The following GABBR2 variants were observed in gnomAD, a reference collection of about 807,000 sequenced individuals.
The protein encoded by GABBR2 is G-protein coupled receptor 51.
In GABBR2, 23 loss-of-function variants were observed where a neutral mutation model predicts 105.6. The observed-to-expected ratio is 0.22, with a 90% CI of 0.16 to 0.31. The LOEUF (loss-of-function observed/expected upper bound fraction) is 0.31. GABBR2 is among the 10% of genes least tolerant of loss of function. The pLI, the probability that GABBR2 is intolerant of heterozygous loss-of-function variation, is 1.00. For missense variants in GABBR2, 734 were observed against 1,245.5 expected (o/e 0.59, Z 6.18); for synonymous variants, 478 against 499.7 (o/e 0.96, Z 0.58).
rs7855442 is a variant in GABBR2, at chr9:98,562,324, C to T, written c.459+15611G>A. ...CCTGAAAGCCAAAAATATATGGCAACAAAGACAATGCATGTTCCTTGCTTG... is the reference window on the plus strand; with the variant it reads ...CCTGAAAGCCAAAAATATATGGCAATAAAGACAATGCATGTTCCTTGCTTG... On this transcript the variant is annotated intron_variant, in intron 2 of 18. Transcript: ENST00000259455. Among the ~76,000 whole-genome samples the T allele has an allele frequency of 1.1e-3, 161 of 152,196 alleles. 1 individual carries two copies. The highest frequency in any genetic ancestry group is 3.7e-3 in the African/African-American group (155 of 41,512).
chr9:98,702,762 C>T (rs1830847577), intron 1 of GABBR2, among the ~76,000 whole-genome samples: 1 of 152,210 alleles, frequency 6.6e-6, no homozygotes. Flanking sequence ...TCCAGGAGGT[C>T]TCTCTGGTCC....
rs1830931466 is a variant in GABBR2 at position 98,708,455 on chromosome 9, G to T, written c.283C>A (p.Arg95Ser). 2 of 1,568,772 alleles carry T rather than the reference G, an allele frequency of 1.3e-6. No homozygotes were observed. Reference protein sequence around the residue: ...IEQIRNESLLRPYFLDLRLYD... With the variant: ...IEQIRNESLLSPYFLDLRLYD... ...AGCCGCAGGTCGAGGAAGTAGGGGC[G>T]CAGGAGTGACTCGTTGCGGATCTGC... The change falls in exon 1 of 19, where the codon CGC (arginine) becomes AGC (serine). Residue 95 changes from arginine to serine, a missense_variant. By Grantham distance (110) the Arg-to-Ser change is moderately radical. This residue lies in a region of GABBR2 where 370 missense variants were observed against 648.9 expected (regional missense o/e 0.57). Coordinates refer to ENST00000259455, the MANE Select transcript of GABBR2 (RefSeq NM_005458.8).
chr9:98,362,756 C>T lies in GABBR2; in HGVS notation c.1852G>A (p.Val618Met). The T allele has an allele frequency of 1.2e-6, 2 of 1,604,898 alleles. No individual in the cohort carries two copies. Among genetic ancestry groups the T allele is most frequent in the Non-Finnish European group, 1.7e-6 (2 of 1,176,210 alleles). ...DLCILICWQA[V>M]DPLRRTVEKY... ...TCCACTGTCCTTCGCAGGGGGTCCA[C>T]AGCCTGCCAGCAGATCAGGATACAC... is the stretch of plus-strand genomic sequence containing the variant. Residue 618 changes from valine (V) to methionine (M), a missense_variant, in exon 13 of 19, where the codon GTG (valine) becomes ATG (methionine). Val to Met is a conservative substitution (Grantham distance 21). Coordinates refer to ENST00000259455, the MANE Select transcript of GABBR2 (RefSeq NM_005458.8).
chr9:98,440,777 A>C (rs1826018053), intron 7 of GABBR2, among the ~76,000 whole-genome samples: 1 of 152,220 alleles, frequency 6.6e-6, no homozygotes, highest in South Asian at 2.1e-4. Flanking sequence ...TAACCTCTGC[A>C]TGAGCACACA....
chr9:98,514,153 A>T (rs1466385172), intron 3 of GABBR2, among the ~76,000 whole-genome samples: 34 of 128,378 alleles, frequency 2.6e-4, no homozygotes, highest in South Asian at 7.4e-4. Context: ...CTATCGCAAG[A>T]ACAAAAAACC....
chr9:98,535,337 G>A (rs1248079686), intron 3 of GABBR2, among the ~76,000 whole-genome samples: 1 of 151,968 alleles, frequency 6.6e-6, no homozygotes, highest in Non-Finnish European at 1.5e-5. Context: ...CTGACCTCAG[G>A]TGATCTGCCC....
At chr9:98,572,654 A>C (rs1265331256) in intron 2 of GABBR2, among the ~76,000 whole-genome samples, 2 of 152,106 alleles carry the variant, frequency 1.3e-5, no homozygotes, top group Non-Finnish European at 2.9e-5. Flanking sequence ...CTTATAATAA[A>C]TGGGTCTAGG....
rs1346163397 is a variant in GABBR2 at position 98,385,783 on chromosome 9, A to G, written c.1530-11T>C. 6.2e-7 allele frequency: 1 copy of G among 1,604,754 alleles called. No homozygotes were observed. The highest frequency in any genetic ancestry group is 8.5e-7 in the Non-Finnish European group (1 of 1,171,978). ...GACATCTTTATGAGCCTGACAAGAGAAAGAGACAATAGATTTAACAGAATG... is the reference window on the plus strand; with the variant it reads ...GACATCTTTATGAGCCTGACAAGAGGAAGAGACAATAGATTTAACAGAATG... On this transcript the variant is annotated splice_polypyrimidine_tract_variant and intron_variant, in intron 10 of 18. Transcript: ENST00000259455.
chr9:98,698,267 G>A (rs1332407793), intron 1 of GABBR2, among the ~76,000 whole-genome samples: 1 of 152,142 alleles, frequency 6.6e-6, no homozygotes, highest in Non-Finnish European at 1.5e-5. Context: ...CATTGATGAA[G>A]ACAGATGAGT....
intron 7 of GABBR2, among the ~76,000 whole-genome samples, chr9:98,436,491 T>A (rs565004537): frequency 1.4e-4 from 20 of 145,956 alleles, no homozygotes; most frequent in Admixed American, 1.2e-3. Flanking sequence ...CCTTGCTTCA[T>A]CTTCAGAGCA....
chr9:98,392,014 C>G (rs1832190384), intron 9 of GABBR2, among the ~76,000 whole-genome samples: 1 of 151,966 alleles, frequency 6.6e-6, no homozygotes, highest in South Asian at 2.1e-4. Context: ...GATAGAAGGC[C>G]TGGGCTCTGC....
intron 1 of GABBR2, among the ~76,000 whole-genome samples, chr9:98,684,620 T>C (rs1830597667): frequency 6.6e-6 from 1 of 152,206 alleles, no homozygotes; most frequent in South Asian, 2.1e-4. Flanking sequence ...TATCTATCAA[T>C]TCCTTGGTAT....
intron 9 of GABBR2, among the ~76,000 whole-genome samples, chr9:98,393,342 A>ACCATCCACCCATCCATCCATCCAT (rs1832227720): frequency 9.6e-6 from 1 of 104,654 alleles, no homozygotes; most frequent in African/African-American, 4.7e-5. Flanking sequence ...CATCCACCCA[A>ACCATCCACCCATCCATCCATCCAT]CCATCCATCC....
At chr9:98,496,203 C>T (rs777461460) in intron 4 of GABBR2, 4 of 585,386 alleles carry the variant, frequency 6.8e-6, no homozygotes, top group African/African-American at 1.9e-5. Context: ...TGGCTGTGCA[C>T]CTGCAGCCAG....
rs529111358 is a variant in GABBR2 at position 98,546,975 on chromosome 9, A to G, written c.460-4932T>C. ...GGATGGCCCTGTGTTGCACTGACAC[A>G]CGGCAGAATTTGGCTGGGCATGAAA... is the stretch of plus-strand genomic sequence containing the variant. On this transcript the variant is annotated intron_variant, in intron 2 of 18. Transcript: ENST00000259455. Among the ~76,000 whole-genome samples, 13 of 120,984 alleles carry G rather than the reference A, an allele frequency of 1.1e-4. 2 individuals carry two copies. Among genetic ancestry groups the G allele is most frequent in the African/African-American group, 2.9e-4 (11 of 37,818 alleles). 79.4% of individuals were successfully genotyped at this position (120,984 alleles called of 152,430 possible).
At chr9:98,628,103 T>A (rs568806791) in intron 1 of GABBR2, among the ~76,000 whole-genome samples, 1 of 152,334 alleles carries the variant, frequency 6.6e-6, no homozygotes, top group South Asian at 2.1e-4. Context: ...AAGTAGCAAT[T>A]GAAAAGTTAC....
intron 3 of GABBR2, among the ~76,000 whole-genome samples, chr9:98,532,694 CCA>C (rs1372022546): frequency 3.9e-5 from 6 of 152,282 alleles, no homozygotes; most frequent in Non-Finnish European, 2.9e-5. Context: ...TGAGCCCATC[CCA>C]CAGTGTCTGA....
chr9:98,657,863 C>G lies in GABBR2; in HGVS notation c.321+50554G>C, dbSNP rs537630752. On this transcript the variant is annotated intron_variant, in intron 1 of 18. Transcript: ENST00000259455. ...GCTTGTTCTCTCTCTGTCCTGCCCC[C>G]TGTGAAGAAGATACCTGCTTCTCCT... Among the ~76,000 whole-genome samples, 4 of 152,386 alleles carry G rather than the reference C, an allele frequency of 2.6e-5. No homozygotes were observed. The East Asian group carries it at 7.7e-4, about 29-fold the overall frequency.
At chr9:98,444,291 G>A (rs1183677876) in intron 7 of GABBR2, among the ~76,000 whole-genome samples, 1 of 152,156 alleles carries the variant, frequency 6.6e-6, no homozygotes, top group African/African-American at 2.4e-5. Context: ...AGAAGGATGA[G>A]TAGAGGGGGG....
Sources: gnomAD v4.1 joint callset for allele counts (sites outside exome capture counted in the v4.1 genomes callset) on GRCh38, gnomAD v4.1.1 for gene constraint, gnomAD v4.1.1 regional missense constraint, MANE v1.5 for transcripts, NCBI Gene and HGNC (gene_info 2026-07-23, HGNC 2026-07-21) for gene names.